Variants in RAB27B observed in about 807,000 individuals in gnomAD.
The protein encoded by RAB27B is RAB27B, member RAS oncogene family.
RAB27B carries 15 observed loss-of-function variants against 24.6 expected under a neutral mutation model. That is an observed-to-expected ratio of 0.61 (90% CI 0.41 to 0.94). The LOEUF (loss-of-function observed/expected upper bound fraction) is 0.94, where lower values mean the gene tolerates loss of function less well. Among genes scored for constraint, RAB27B ranks in the 40% least tolerant of loss-of-function variants. The pLI, the probability that RAB27B is intolerant of heterozygous loss-of-function variation, is 0.00. For missense variants in RAB27B, 261 were observed against 266.8 expected (o/e 0.98, Z 0.15); for synonymous variants, 105 against 92.5 (o/e 1.14, Z -0.78).
At chr18:54,814,813 C>G (rs1166895657) in intron 2 of RAB27B, among the ~76,000 whole-genome samples, 1 of 152,094 alleles carries the variant, frequency 6.6e-6, no homozygotes, top group East Asian at 1.9e-4. Flanking sequence ...ATATATACTA[C>G]AAATAGTTTT....
intron 1 of RAB27B, among the ~76,000 whole-genome samples, chr18:54,834,149 AAAAC>A (rs1484218843): frequency 1.3e-5 from 2 of 152,260 alleles, no homozygotes; most frequent in Admixed American, 6.5e-5. Flanking sequence ...TATAAAATAT[AAAAC>A]AGATCAAAGC....
intron 2 of RAB27B, among the ~76,000 whole-genome samples, chr18:54,781,719 A>G (rs1908924128): frequency 6.6e-6 from 1 of 152,188 alleles, no homozygotes. Context: ...ATTGCATATA[A>G]CACATGGTAG....
intron 2 of RAB27B, among the ~76,000 whole-genome samples, chr18:54,739,003 C>T (rs1050846772): frequency 7.2e-5 from 11 of 152,092 alleles, no homozygotes; most frequent in African/African-American, 2.7e-4. Flanking sequence ...TTTGTCACTG[C>T]AAGTTGATTT....
chr18:54,871,466 T>TAA (rs1371935000), intron 1 of RAB27B, among the ~76,000 whole-genome samples: 1 of 152,170 alleles, frequency 6.6e-6, no homozygotes, highest in East Asian at 1.9e-4. Flanking sequence ...CCAACAAAGA[T>TAA]AAATGAGGAA....
At chr18:54,735,798 A>T (rs1433907353) in intron 2 of RAB27B, among the ~76,000 whole-genome samples, 2 of 152,196 alleles carry the variant, frequency 1.3e-5, no homozygotes, top group African/African-American at 2.4e-5. Context: ...CTGGGATTAG[A>T]GGTGTGAGTC....
intron 1 of RAB27B, among the ~76,000 whole-genome samples, chr18:54,840,423 A>G (rs1378126130): frequency 1.3e-5 from 2 of 152,332 alleles, no homozygotes; most frequent in Non-Finnish European, 2.9e-5. Flanking sequence ...TTTACATGTA[A>G]CAAAAATCCA....
intron 2 of RAB27B, among the ~76,000 whole-genome samples, chr18:54,777,245 G>A: frequency 6.6e-6 from 1 of 152,146 alleles, no homozygotes; most frequent in East Asian, 1.9e-4. Context: ...AAGCAAAGAA[G>A]GGCATCAAGA....
At chr18:54,752,906 A>G (rs57322118) in intron 2 of RAB27B, among the ~76,000 whole-genome samples, 9,246 of 152,200 alleles carry the variant, frequency 0.061, 354 homozygotes, top group Admixed American at 0.087. Context: ...AGAGATATAA[A>G]GGAGGTGAGA....
At chr18:54,787,768 G>T (rs1782885603) in intron 2 of RAB27B, among the ~76,000 whole-genome samples, 1 of 151,648 alleles carries the variant, frequency 6.6e-6, no homozygotes, top group Non-Finnish European at 1.5e-5. Flanking sequence ...CCAATCACTA[G>T]TGAGATGGTC....
intron 2 of RAB27B, among the ~76,000 whole-genome samples, chr18:54,755,071 ATGCT>A (rs963100286): frequency 9.2e-5 from 14 of 152,168 alleles, no homozygotes; most frequent in African/African-American, 3.4e-4. Context: ...CACTTTGGAA[ATGCT>A]TGCTTACTTG....
chr18:54,755,613 G>C (rs9947848), intron 2 of RAB27B, among the ~76,000 whole-genome samples: 1 of 152,100 alleles, frequency 6.6e-6, no homozygotes. Context: ...CAGAGCTAAG[G>C]AGAGGTCAGA....
intron 2 of RAB27B, among the ~76,000 whole-genome samples, chr18:54,762,755 C>G (rs1194742559): frequency 6.6e-6 from 1 of 152,170 alleles, no homozygotes; most frequent in Non-Finnish European, 1.5e-5. Flanking sequence ...CACTCCTTAT[C>G]TGTCTTCCCT....
chr18:54,792,328 G>A (rs372891864), intron 2 of RAB27B, among the ~76,000 whole-genome samples: 2 of 152,072 alleles, frequency 1.3e-5, no homozygotes, highest in African/African-American at 4.8e-5. Context: ...GGAACCTTTC[G>A]CCTTTCACCA....
intron 2 of RAB27B, among the ~76,000 whole-genome samples, chr18:54,744,402 A>T (rs1910168587): frequency 6.6e-6 from 1 of 152,220 alleles, no homozygotes; most frequent in South Asian, 2.1e-4. Context: ...AGGTGACTAT[A>T]TCTCATCATT....
chr18:54,884,026 A>C (rs1040310064), intron 3 of RAB27B, among the ~76,000 whole-genome samples: 7 of 152,178 alleles, frequency 4.6e-5, no homozygotes, highest in Admixed American at 4.6e-4. Flanking sequence ...TGTGGACCAC[A>C]AAATGCCCAC....
chr18:54,887,240 C>T (rs538098093), intron 4 of RAB27B, among the ~76,000 whole-genome samples: 1 of 151,908 alleles, frequency 6.6e-6, no homozygotes, highest in East Asian at 1.9e-4. Context: ...AAGGTAACAA[C>T]TTCCTAAAGG....
chr18:54,782,409 A>G (rs1908945106), intron 2 of RAB27B, among the ~76,000 whole-genome samples: 1 of 152,250 alleles, frequency 6.6e-6, no homozygotes, highest in African/African-American at 2.4e-5. Flanking sequence ...ATTTGAATGT[A>G]GGAGATATTT....
intron 1 of RAB27B, among the ~76,000 whole-genome samples, chr18:54,846,920 G>A (rs1031630334): frequency 1.8e-4 from 27 of 151,790 alleles, no homozygotes; most frequent in Non-Finnish European, 7.4e-5. Context: ...GTGTGATCTC[G>A]GCTCACTGCA....
chr18:54,775,875 T>C (rs960026663), intron 2 of RAB27B, among the ~76,000 whole-genome samples: 2 of 152,174 alleles, frequency 1.3e-5, no homozygotes, highest in African/African-American at 4.8e-5. Flanking sequence ...TTCAACATCA[T>C]CCACCTACTG....
Sources: allele counts gnomAD v4.1 joint callset (sites outside exome capture counted in the v4.1 genomes callset), GRCh38; gene constraint gnomAD v4.1.1; transcripts MANE v1.5; gene names NCBI Gene and HGNC (gene_info 2026-07-23, HGNC 2026-07-21).